Variants in ANKRD26 observed in about 807,000 individuals in gnomAD.
ANKRD26 encodes ankyrin repeat domain-containing protein 26.
ANKRD26 carries 141 observed loss-of-function variants against 208.7 expected under a neutral mutation model. The observed-to-expected ratio is 0.68, with a 90% CI of 0.59 to 0.78. The LOEUF is 0.78. Ranked by LOEUF, ANKRD26 falls within the 30% of genes least tolerant of loss-of-function variation. ANKRD26 has a pLI of 0.00. For missense variants in ANKRD26, 1,889 were observed against 1,938.7 expected (o/e 0.97, Z 0.48); for synonymous variants, 636 against 660.4 (o/e 0.96, Z 0.57).
chr10:27,092,515 G>GT lies in ANKRD26; in HGVS notation c.532-4dup. ...AGTAAAAGTGGTGTGAGGTCATCCT[G>GT]TAAGACAGCAAAAACAAGTTAAAAT... is the stretch of plus-strand genomic sequence containing the variant. On this transcript the variant is annotated splice_polypyrimidine_tract_variant and splice_region_variant and intron_variant, in intron 3 of 33. Transcript: ENST00000376087. 1.2e-6 allele frequency: 2 copies of GT among 1,607,024 alleles called. No individual in the cohort carries two copies. The highest frequency in any genetic ancestry group is 1.7e-6 in the Non-Finnish European group (2 of 1,174,402).
At chr10:27,013,686 C>T (rs1374826693) in intron 31 of ANKRD26, among the ~76,000 whole-genome samples, 1 of 152,140 alleles carries the variant, frequency 6.6e-6, no homozygotes, top group Non-Finnish European at 1.5e-5. Context: ...TTTCACCACC[C>T]TTTTACATTT....
In ANKRD26 at chr10:27,100,207, G is replaced by A. The variant is rs746731277; in HGVS notation, c.120C>T (p.Tyr40=). 1 of 1,613,478 alleles carries A rather than the reference G, an allele frequency of 6.2e-7. No individual in the cohort carries two copies. The highest frequency in any genetic ancestry group is 1.3e-5 in the African/African-American group (1 of 74,944). ...PGEGAYSQPG[Y]HVRDRDLGKI... ...TGCCGAGATCTCGGTCTCGGACGTG[G>A]TAGCCGGGCTGCGAGTAGGCGCCCT... The change falls in exon 1 of 34, where the codon TAC becomes TAT. Residue 40 remains tyrosine (Y), a synonymous_variant. Coordinates refer to ENST00000376087, the MANE Select transcript of ANKRD26 (RefSeq NM_014915.3).
chr10:26,950,354 T>A, the ANKRD26 span, among the ~76,000 whole-genome samples: 1 of 152,144 alleles, frequency 6.6e-6, no homozygotes, highest in African/African-American at 2.4e-5. Flanking sequence ...TCCAGAGCCA[T>A]GCATAACTGT....
chr10:27,086,031 A>G (rs2056103159), intron 5 of ANKRD26, among the ~76,000 whole-genome samples: 1 of 152,208 alleles, frequency 6.6e-6, no homozygotes, highest in African/African-American at 2.4e-5. Flanking sequence ...AGTCAACAGT[A>G]GGCAATTAGT....
chr10:26,992,496 A>G (rs2052506583), intron 5 of ANKRD26, among the ~76,000 whole-genome samples: 1 of 150,664 alleles, frequency 6.6e-6, no homozygotes, highest in Non-Finnish European at 1.5e-5. Context: ...ACACACACAC[A>G]CACACACACA....
chr10:26,991,343 G>C (rs994184488), downstream of ANKRD26, among the ~76,000 whole-genome samples: 5 of 152,196 alleles, frequency 3.3e-5, no homozygotes, highest in African/African-American at 1.2e-4. Context: ...CAAAATTAAG[G>C]ATGTGTGCCC....
chr10:27,083,014 C>T (rs922813657), intron 5 of ANKRD26, among the ~76,000 whole-genome samples, 181 bp from the exon 6 acceptor site: 1 of 152,054 alleles, frequency 6.6e-6, no homozygotes, highest in Non-Finnish European at 1.5e-5. Flanking sequence ...AAAAGTTAAT[C>T]TTCCCTGCAG....
chr10:27,084,167 A>G (rs890998068), intron 5 of ANKRD26, among the ~76,000 whole-genome samples: 1 of 150,968 alleles, frequency 6.6e-6, no homozygotes, highest in African/African-American at 2.4e-5. Context: ...GAGCCTAGCC[A>G]AGATCACACC....
downstream of ANKRD26, among the ~76,000 whole-genome samples, chr10:26,969,475 T>C (rs2052113300): frequency 6.6e-6 from 1 of 152,210 alleles, no homozygotes; most frequent in African/African-American, 2.4e-5. Context: ...TTTTGGTTTC[T>C]GTTCATTGCT....
chr10:27,094,031 G>A lies in ANKRD26; in HGVS notation c.243-232C>T, dbSNP rs773755135. ...ACTGAATCACGAGGATGGTTCCCCC[G>A]TGCTGCTGCTCTTGTGATAGTGAGT... On this transcript the variant is annotated intron_variant, in intron 1 of 33. Coordinates refer to ENST00000376087, the MANE Select transcript of ANKRD26 (RefSeq NM_014915.3). Among the ~76,000 whole-genome samples the A allele has an allele frequency of 5.3e-5, 8 of 152,104 alleles. No individual in the cohort carries two copies. In the East Asian group the frequency reaches 7.7e-4, roughly 15 times the overall value.
downstream of ANKRD26, among the ~76,000 whole-genome samples, chr10:26,969,765 T>C (rs1373799311): frequency 2.6e-5 from 4 of 152,160 alleles, no homozygotes; most frequent in African/African-American, 9.6e-5. Context: ...CAGATTATGT[T>C]GGCTCATCTC....
intron 25 of ANKRD26, 77 bp from the exon 26 acceptor site, chr10:27,029,433 A>G: frequency 7.2e-7 from 1 of 1,391,116 alleles, no homozygotes; most frequent in Non-Finnish European, 1.0e-6. Flanking sequence ...TTTGTAACTA[A>G]ACCTTATCGG....
At chr10:27,025,671 G>A (rs765501633) in intron 27 of ANKRD26, among the ~76,000 whole-genome samples, 21 of 152,078 alleles carry the variant, frequency 1.4e-4, no homozygotes, top group Non-Finnish European at 7.4e-5. Context: ...TCCCCTAGGC[G>A]TCTCTGACCT....
intron 15 of ANKRD26, among the ~76,000 whole-genome samples, chr10:27,060,048 A>T (rs904387876): frequency 6.6e-6 from 1 of 151,754 alleles, no homozygotes; most frequent in African/African-American, 2.4e-5. Context: ...TAAAATACAA[A>T]AATTTGCCAG....
chr10:27,027,517 T>C (rs1412904163), intron 27 of ANKRD26, among the ~76,000 whole-genome samples: 1 of 152,170 alleles, frequency 6.6e-6, no homozygotes, highest in Non-Finnish European at 1.5e-5. Flanking sequence ...CGAACGTCCA[T>C]CAATGGATGA....
At chr10:27,022,462 A>C in intron 29 of ANKRD26, 96 bp downstream of exon 29, 1 of 1,076,146 alleles carries the variant, frequency 9.3e-7, no homozygotes, top group Non-Finnish European at 1.3e-6. Flanking sequence ...CTAAAGTTAA[A>C]AAAAAAAATC....
At chr10:27,041,779 A>G (rs755394451) in intron 20 of ANKRD26, among the ~76,000 whole-genome samples, 3 of 152,158 alleles carry the variant, frequency 2.0e-5, no homozygotes, top group Non-Finnish European at 2.9e-5. Context: ...AAGAGGAAGG[A>G]AGAGAGACAG....
Position 27,014,554 on chromosome 10 carries a change from T to G in ANKRD26, c.4664A>C (p.Tyr1555Ser), listed in dbSNP as rs774254518. Residue 1555 changes from tyrosine (Y) to serine (S), a missense_variant, in exon 31 of 34, where the codon TAT becomes TCT. Coordinates refer to ENST00000376087, the MANE Select transcript of ANKRD26 (RefSeq NM_014915.3). ...TAATTCTTCTAGATAGAGTTGCTTA[T>G]ATTTTTCCAGTTCGGTTTTATTAAA... ...EDFNKTELEK[Y>S]KQLYLEELKV... 1 of 1,603,632 alleles carries G rather than the reference T, an allele frequency of 6.2e-7. No homozygotes were observed. Among genetic ancestry groups the G allele is most frequent in the East Asian group, 2.2e-5 (1 of 44,716 alleles).
At chr10:26,950,190 T>C in the ANKRD26 span, among the ~76,000 whole-genome samples, 1 of 152,286 alleles carries the variant, frequency 6.6e-6, no homozygotes, top group East Asian at 1.9e-4. Context: ...AGTTTTCCCA[T>C]GCTGTTCTTG....
Sources: allele counts gnomAD v4.1 joint callset (sites outside exome capture counted in the v4.1 genomes callset), GRCh38; gene constraint gnomAD v4.1.1; transcripts MANE v1.5; gene names NCBI Gene and HGNC (gene_info 2026-07-23, HGNC 2026-07-21).